Variants in LMF1 observed in about 807,000 individuals in gnomAD.
LMF1 encodes lipase maturation factor 1, also known as transmembrane protein 112.
A neutral mutation model predicts 60.6 loss-of-function variants in LMF1; 68 were observed. The observed-to-expected ratio is 1.12, with a 90% confidence interval of 0.92 to 1.37. The LOEUF is 1.37. LMF1 is among the 40% of genes most tolerant of loss of function. The pLI, the probability that LMF1 is intolerant of heterozygous loss-of-function variation, is 0.00. For missense variants in LMF1, 948 were observed against 767.2 expected (o/e 1.24, Z -2.78); for synonymous variants, 418 against 324.7 (o/e 1.29, Z -3.09).
chr16:926,209 G>T (rs1233411315), intron 3 of LMF1, among the ~76,000 whole-genome samples: 3 of 152,154 alleles, frequency 2.0e-5, no homozygotes, highest in African/African-American at 7.2e-5. Flanking sequence ...ACGTGGGTCT[G>T]TGTGCGCGTG....
rs370452464 is a variant in LMF1, at chr16:949,833, G to A, written c.503+4524C>T. On this transcript the variant is annotated intron_variant, in intron 2 of 10. Transcript: ENST00000262301. The stretch of plus-strand genomic sequence containing the variant: ...AGCCAATGACAGAGTCAGAGACAAC[G>A]ACAGAGTTAGAGACAACGACAGAGT... Among the ~76,000 whole-genome samples the A allele has an allele frequency of 8.2e-5, 9 of 110,216 alleles. 1 individual carries two copies. The highest frequency in any genetic ancestry group is 1.6e-4 in the Non-Finnish European group (9 of 57,672). The allele number at this position is 110,216 out of a possible 152,430, so 72.3% of individuals were successfully genotyped here.
At chr16:976,275 G>A (rs1011016999) in intron 1 of LMF1, 1 of 449,460 alleles carries the variant, frequency 2.2e-6, no homozygotes, top group Non-Finnish European at 4.5e-6. Context: ...CTGGATCTAG[G>A]GGATGAGGGC....
chr16:875,190 G>C (rs1337022469), intron 6 of LMF1, among the ~76,000 whole-genome samples: 1 of 152,026 alleles, frequency 6.6e-6, no homozygotes, highest in African/African-American at 2.4e-5. Context: ...CACAGTCCCA[G>C]GTGCAGTGAG....
rs924204320 is a variant in LMF1, at chr16:962,754, C to T, written c.193+8034G>A. Reference sequence around the variant, plus strand: ...AGGAGACGCCAGGACAAAACCGGGTCCCAGAACGGAACAGGCACGGGTGGA... The same window carrying T: ...AGGAGACGCCAGGACAAAACCGGGTTCCAGAACGGAACAGGCACGGGTGGA... On this transcript the variant is annotated intron_variant, in intron 1 of 10. Transcript: ENST00000262301. This position sits in a 1 kb window ranked among gnomAD's most constrained non-coding sequence, Gnocchi z 4.5. Among the ~76,000 whole-genome samples the T allele has an allele frequency of 6.6e-6, 1 of 152,132 alleles. No individual in the cohort carries two copies. The highest frequency in any genetic ancestry group is 2.4e-5 in the African/African-American group (1 of 41,442).
chr16:854,769 C>T, intron 10 of LMF1, 63 bp from the exon 11 acceptor site: 1 of 1,433,616 alleles, frequency 7.0e-7, no homozygotes, highest in Non-Finnish European at 9.5e-7. Flanking sequence ...CCCGGCTCCT[C>T]AGCCTGCTGC....
chr16:888,471 T>C (rs981519965), intron 5 of LMF1, among the ~76,000 whole-genome samples: 6 of 152,074 alleles, frequency 3.9e-5, no homozygotes, highest in Admixed American at 2.0e-4. Context: ...TCCATCCTTC[T>C]TGATGACAGC....
intron 1 of LMF1, among the ~76,000 whole-genome samples, chr16:966,844 A>G (rs1185642458): frequency 6.6e-6 from 1 of 152,274 alleles, no homozygotes; most frequent in Non-Finnish European, 1.5e-5. Context: ...CAGCTTCCAG[A>G]AAGTTCTCTG....
At chr16:899,220 G>A (rs1033741838) in intron 4 of LMF1, 2 of 152,258 alleles carry the variant, frequency 1.3e-5, no homozygotes, top group Non-Finnish European at 2.9e-5. Flanking sequence ...GGAGGTCGGA[G>A]GCACAAAGCG....
At chr16:970,492 G>GC (rs1175384000) in intron 1 of LMF1, among the ~76,000 whole-genome samples, 1 of 152,196 alleles carries the variant, frequency 6.6e-6, no homozygotes, top group Non-Finnish European at 1.5e-5. Flanking sequence ...GCCTCGCATA[G>GC]CCCCGAGCCG....
At position 864,809 on chromosome 16, in the gene LMF1, A is replaced by AAG. The variant is rs201595276; in HGVS notation, c.1529+4133_1529+4134dup. On this transcript the variant is annotated intron_variant, in intron 10 of 10. Transcript: ENST00000262301. ...CTGGCTAATTGTTGTATTTTTAGTA[A>AAG]AGAGGGTTTTGCCATGATGGCCAGG... is the stretch of plus-strand genomic sequence containing the variant. Among the ~76,000 whole-genome samples, 1,036 of 151,954 alleles carry AAG rather than the reference A, an allele frequency of 6.8e-3. 18 individuals carry two copies. The highest frequency in any genetic ancestry group is 0.024 in the African/African-American group (1,001 of 41,406).
chr16:930,049 GAC>G (rs34202900), intron 3 of LMF1, among the ~76,000 whole-genome samples: 1 of 140,276 alleles, frequency 7.1e-6, no homozygotes, highest in African/African-American at 2.6e-5. Context: ...AGGGCCCTGG[GAC>G]AGAGCCCAGG....
intron 10 of LMF1, among the ~76,000 whole-genome samples, chr16:861,125 G>A (rs2069451830): frequency 6.6e-6 from 1 of 152,084 alleles, no homozygotes; most frequent in Non-Finnish European, 1.5e-5. Context: ...GTCTCTAGGT[G>A]TGTGCTGACG....
rs1271932639 is a variant in LMF1, at chr16:955,208, A to C, written c.194-542T>G. ...ACACACACATCTAAGTAAACTAGACAAGTTACATAAAAGGCGTGCCTGCAG... is the reference window on the plus strand; with the variant it reads ...ACACACACATCTAAGTAAACTAGACCAGTTACATAAAAGGCGTGCCTGCAG... On this transcript the variant is annotated intron_variant, in intron 1 of 10. Coordinates refer to ENST00000262301, the MANE Select transcript of LMF1 (RefSeq NM_022773.4). Among the ~76,000 whole-genome samples the C allele has an allele frequency of 1.2e-4, 16 of 132,388 alleles. 5 individuals are homozygous for C. Among genetic ancestry groups the C allele is most frequent in the African/African-American group, 5.2e-4 (16 of 30,930 alleles). The allele number at this position is 132,388 out of a possible 152,430, so 86.9% of individuals were successfully genotyped here. A position where few individuals can be genotyped will look rare whatever the true frequency, so the allele number is the denominator to read the frequency against.
At chr16:865,884 T>G (rs2069596913) in intron 10 of LMF1, among the ~76,000 whole-genome samples, 1 of 152,218 alleles carries the variant, frequency 6.6e-6, no homozygotes, top group South Asian at 2.1e-4. Flanking sequence ...TTTCTATGTT[T>G]AAGTTTATTG....
At chr16:896,922 G>A (rs373989584) in intron 4 of LMF1, among the ~76,000 whole-genome samples, 9 of 151,882 alleles carry the variant, frequency 5.9e-5, no homozygotes, top group East Asian at 5.8e-4. Context: ...GATTTTCCAC[G>A]GATTTTTTTT....
upstream of LMF1, among the ~76,000 whole-genome samples, chr16:973,866 C>T (rs992932125): frequency 3.3e-5 from 5 of 152,102 alleles, no homozygotes; most frequent in South Asian, 4.2e-4. Context: ...CAAAATTAGC[C>T]GGGCATGGTG....
At chr16:977,607 GCCCT>G (rs2151508248) in intron 1 of LMF1, among the ~76,000 whole-genome samples, 1 of 152,178 alleles carries the variant, frequency 6.6e-6, no homozygotes, top group Admixed American at 6.5e-5. Context: ...CGCCCGCCGG[GCCCT>G]CCCTGTGCTT....
rs115493594 is a variant in LMF1, at chr16:877,070, A to C, written c.897+2500T>G. ...ACACAGGCCTTGAGGCCGGGCGCAC[A>C]CCTGCAGTCACGGCACTTTAGGAGG... On this transcript the variant is annotated intron_variant, in intron 6 of 10. Transcript: ENST00000262301. 7.2e-3 allele frequency among the ~76,000 whole-genome samples: 1,094 copies of C among 152,164 alleles called. 16 individuals are homozygous for C. The highest frequency in any genetic ancestry group is 0.025 in the African/African-American group (1,033 of 41,420).
chr16:952,417 G>A (rs950173233), intron 2 of LMF1, among the ~76,000 whole-genome samples: 3 of 152,222 alleles, frequency 2.0e-5, no homozygotes, highest in African/African-American at 7.2e-5. Context: ...CCTCCGACCA[G>A]GGAACACCGG....
Sources: gnomAD v4.1 joint callset for allele counts (sites outside exome capture counted in the v4.1 genomes callset) on GRCh38, gnomAD v4.1.1 for gene constraint, Gnocchi (gnomAD v3.1) non-coding constraint, MANE v1.5 for transcripts, NCBI Gene and HGNC (gene_info 2026-07-23, HGNC 2026-07-21) for gene names.